ADPRS: variants seen among roughly 807,000 people sequenced by gnomAD.
The protein encoded by ADPRS is ADP-ribosylhydrolase ARH3.
In ADPRS, 25 loss-of-function variants were observed where a neutral mutation model predicts 32.1. The ratio of observed to expected loss-of-function variants is 0.78; its 90% CI spans 0.57 to 1.09. The LOEUF is 1.09. ADPRS is among the 50% of genes least tolerant of loss of function. The pLI is 0.00. For synonymous variants in ADPRS, 225 were observed against 201.0 expected (o/e 1.12, Z -1.01); for missense variants, 482 against 480.6 (o/e 1.00, Z -0.03).
intron 1 of ADPRS, among the ~76,000 whole-genome samples, 184 bp from the exon 2 acceptor site, chr1:36,091,060 T>G (rs1177864153): frequency 1.3e-5 from 2 of 152,102 alleles, no homozygotes; most frequent in East Asian, 1.9e-4. Flanking sequence ...TCCCAGCTAC[T>G]TGAGAGGCTG....
At chr1:36,090,679 CAAAAAAAAAAAA>C (rs10625386) in intron 1 of ADPRS, among the ~76,000 whole-genome samples, 78 of 65,356 alleles carry the variant, frequency 1.2e-3, no homozygotes, top group South Asian at 4.1e-3. Flanking sequence ...TCCATCTCTA[CAAAAAAAAAAAA>C]AAAAAAAAAA....
At chr1:36,091,370 A>G (rs759774623) in intron 2 of ADPRS, 30 bp downstream of exon 2, 7 of 1,600,846 alleles carry the variant, frequency 4.4e-6, no homozygotes, top group Non-Finnish European at 6.0e-6. Context: ...GCTGAGGCAA[A>G]CCAGGTGGGA....
chr1:36,092,146 G>A (rs568872693), intron 4 of ADPRS, 52 bp downstream of exon 4: 1 of 1,541,850 alleles, frequency 6.5e-7, no homozygotes, highest in East Asian at 2.3e-5. Flanking sequence ...GATCCAGGGG[G>A]CCTCTGGCAT....
rs1456416682 is a variant in ADPRS at position 36,093,459 on chromosome 1, T to G, written c.*73T>G. The G allele has an allele frequency of 3.3e-6, 5 of 1,532,548 alleles. No individual in the cohort carries two copies. The highest frequency in any genetic ancestry group is 4.4e-6 in the Non-Finnish European group (5 of 1,136,416). The allele number at this position is 1,532,548 out of a possible 1,614,324, so 94.9% of individuals were successfully genotyped here. A position where few individuals can be genotyped will look rare whatever the true frequency, so the allele number is the denominator to read the frequency against. ...ACAGCTCCAATCAGAAACCCTGCGC[T>G]TCCTTGAGTGTGGCTTCCCACTTTT... is the stretch of plus-strand genomic sequence containing the variant. On this transcript the variant is annotated 3_prime_UTR_variant, in exon 6 of 6. Transcript: ENST00000373178.
Position 36,088,935 on chromosome 1 carries a change from G to C in ADPRS, c.31G>C (p.Gly11Arg), listed in dbSNP as rs770204381. 2 of 1,525,164 alleles carry C rather than the reference G, an allele frequency of 1.3e-6. No homozygotes were observed. The highest frequency in any genetic ancestry group is 1.4e-5 in the African/African-American group (1 of 70,338). 94.5% of individuals were successfully genotyped at this position (1,525,164 alleles called of 1,614,324 possible). A position where few individuals can be genotyped will look rare whatever the true frequency, so the allele number is the denominator to read the frequency against. The change falls in exon 1 of 6, where the codon GGT becomes CGT. Residue 11 changes from glycine (G) to arginine (R), a missense_variant. Transcript: ENST00000373178. ...CGCAGCGGCGATGGCGGCAGCGGCA[G>C]GTGGAGGGGCTGGCGCGGCCCGCTC... Reference protein sequence around the residue: MAAAAMAAAAGGGAGAARSLS... With the variant: MAAAAMAAAARGGAGAARSLS...
At position 36,093,139 on chromosome 1, in the gene ADPRS, A is replaced by G. The variant is rs1324463512; in HGVS notation, c.845A>G (p.Tyr282Cys). ...AAFESVPTAI[Y>C]CFLRCMEPDP... is the part of the protein sequence containing the mutation. ...TTTGAGTCGGTACCCACCGCCATCT[A>G]CTGCTTCCTACGCTGCATGGAGCCA... The change falls in exon 6 of 6, where the codon TAC becomes TGC. Residue 282 changes from tyrosine (Y) to cysteine (C), a missense_variant. Transcript: ENST00000373178. The G allele has an allele frequency of 1.9e-6, 3 of 1,614,042 alleles. No individual in the cohort carries two copies. Among genetic ancestry groups the G allele is most frequent in the South Asian group, 2.2e-5 (2 of 91,092 alleles).
At chr1:36,090,804 C>T (rs575828881) in intron 1 of ADPRS, among the ~76,000 whole-genome samples, 3 of 150,714 alleles carry the variant, frequency 2.0e-5, no homozygotes, top group African/African-American at 4.9e-5. Context: ...GAGCCATGGT[C>T]GTACCACTGC....
chr1:36,088,902 C>CGGATGGCCGCAGCGG lies in ADPRS; in HGVS notation c.-2_13dup. Reference sequence around the variant, plus strand: ...CCGGAAGTGGCGAGCAGTCTGCGCGCGGATGGCCGCAGCGGCGATGGCGGC... The same window carrying CGGATGGCCGCAGCGG: ...CCGGAAGTGGCGAGCAGTCTGCGCGCGGATGGCCGCAGCGGGGATGGCCGCAGCGGCGATGGCGGC... On this transcript the variant is annotated 5_prime_UTR_variant, in exon 1 of 6. The change creates a new upstream start codon in the 5' untranslated region. Coordinates refer to ENST00000373178, the MANE Select transcript of ADPRS (RefSeq NM_017825.3). 3 of 1,525,686 alleles carry CGGATGGCCGCAGCGG rather than the reference C, an allele frequency of 2.0e-6. No homozygotes were observed. The highest frequency in any genetic ancestry group is 2.6e-6 in the Non-Finnish European group (3 of 1,142,192). 94.5% of individuals were successfully genotyped at this position (1,525,686 alleles called of 1,614,324 possible).
rs1313768812 is a variant in ADPRS, at chr1:36,093,293, T to G, written c.999T>G (p.Asp333Glu). 6.2e-7 allele frequency: 1 copy of G among 1,614,052 alleles called. No homozygotes were observed. The highest frequency in any genetic ancestry group is 8.5e-7 in the Non-Finnish European group (1 of 1,180,050). ...GAIAGAYYGM[D>E]QVPESWQQSC... ...TTGCTGGTGCCTACTATGGGATGGA[T>G]CAGGTGCCAGAGAGCTGGCAGCAAA... Residue 333 changes from aspartate (D) to glutamate (E), a missense_variant, in exon 6 of 6, where the codon GAT (aspartate) becomes GAG (glutamate). Asp to Glu is a conservative substitution (Grantham distance 45, BLOSUM62 2). Coordinates refer to ENST00000373178, the MANE Select transcript of ADPRS (RefSeq NM_017825.3).
In ADPRS at chr1:36,091,279, A is replaced by G; in HGVS notation, c.247A>G (p.Arg83Gly). The G allele has an allele frequency of 6.2e-7, 1 of 1,614,222 alleles. No individual in the cohort carries two copies. The highest frequency in any genetic ancestry group is 8.5e-7 in the Non-Finnish European group (1 of 1,180,030). Residue 83 changes from arginine (R) to glycine (G), a missense_variant, in exon 2 of 6, where the codon AGG becomes GGG. Arg to Gly is a moderately radical substitution (Grantham distance 125). Transcript: ENST00000373178. ...LYYTDDTAMA[R>G]ALVQSLLAKE... Reference sequence around the variant, plus strand: ...CTACACAGATGACACAGCCATGGCCAGGGCCCTGGTGCAGTCCCTGCTAGC... The same window carrying G: ...CTACACAGATGACACAGCCATGGCCGGGGCCCTGGTGCAGTCCCTGCTAGC...
At chr1:36,092,289 C>T (rs1014726681) in intron 4 of ADPRS, 133 bp from the exon 5 acceptor site, 5 of 1,151,012 alleles carry the variant, frequency 4.3e-6, no homozygotes, top group Non-Finnish European at 4.9e-6. Context: ...AGCCCTCTCC[C>T]ACCTCTTGTC....
rs774652693 is a variant in ADPRS at position 36,092,065 on chromosome 1, T to C, written c.672T>C (p.Gly224=). 13 of 1,612,190 alleles carry C rather than the reference T, an allele frequency of 8.1e-6. No homozygotes were observed. The African/African-American group carries it at 1.7e-4, about 22-fold the overall frequency. ...TGGGCCACATGGAGGATCTGGAGGG[T>C]GATGCCCAGTCCGTCTTGGATGCCA... is the stretch of plus-strand genomic sequence containing the variant. ...QLLGHMEDLE[G]DAQSVLDARE... Residue 224 remains glycine, a synonymous_variant, in exon 4 of 6, where the codon GGT becomes GGC. Transcript: ENST00000373178.
intron 2 of ADPRS, 70 bp from the exon 3 acceptor site, chr1:36,091,548 C>G (rs184416537): frequency 3.5e-6 from 5 of 1,443,258 alleles, no homozygotes; most frequent in Non-Finnish European, 4.7e-6. Context: ...AAACTAGCCT[C>G]GATTTCTTCT....
chr1:36,088,964 C>G lies in ADPRS; in HGVS notation c.60C>G (p.Leu20=), dbSNP rs1327269094. 6.7e-6 allele frequency: 10 copies of G among 1,500,676 alleles called. No individual in the cohort carries two copies. The highest frequency in any genetic ancestry group is 8.0e-6 in the Non-Finnish European group (9 of 1,130,698). The allele number at this position is 1,500,676 out of a possible 1,614,324, so 93.0% of individuals were successfully genotyped here. ...AGGGAGAARS[L]SRFRGCLAGA... is the part of the protein sequence containing the mutation. The stretch of plus-strand genomic sequence containing the variant: ...GAGGGGCTGGCGCGGCCCGCTCCCT[C>G]TCGCGCTTCCGAGGCTGCCTGGCTG... The change falls in exon 1 of 6, where the codon CTC becomes CTG. Residue 20 remains leucine, a synonymous_variant. Coordinates refer to ENST00000373178, the MANE Select transcript of ADPRS (RefSeq NM_017825.3).
intron 2 of ADPRS, 116 bp from the exon 3 acceptor site, chr1:36,091,502 C>A: frequency 8.2e-7 from 1 of 1,221,552 alleles, no homozygotes; most frequent in Non-Finnish European, 1.2e-6. Context: ...ACTGCTGGTG[C>A]AGGCTCCTTA....
At chr1:36,089,181 G>A in intron 1 of ADPRS, 66 bp downstream of exon 1, 3 of 1,366,910 alleles carry the variant, frequency 2.2e-6, no homozygotes, top group Non-Finnish European at 1.9e-6. Context: ...CGGAGCCTCC[G>A]GGGGCGACGG....
rs150395881 is a variant in ADPRS at position 36,091,706 on chromosome 1, C to G, written c.397C>G (p.Arg133Gly). 1 of 1,613,940 alleles carries G rather than the reference C, an allele frequency of 6.2e-7. No homozygotes were observed. Among genetic ancestry groups the G allele is most frequent in the Non-Finnish European group, 8.5e-7 (1 of 1,179,974 alleles). ...VFKKLLNPKC[R>G]DVFEPARAQF... ...CAAGAAGCTCCTGAACCCCAAATGTCGCGATGTCTTTGAGCCTGCCCGGGC... is the reference window on the plus strand; with the variant it reads ...CAAGAAGCTCCTGAACCCCAAATGTGGCGATGTCTTTGAGCCTGCCCGGGC... The change falls in exon 3 of 6, where the codon CGC (arginine) becomes GGC (glycine). Residue 133 changes from arginine to glycine, a missense_variant. Physicochemically the swap from Arg to Gly is moderately radical, Grantham distance 125. Transcript: ENST00000373178.
In ADPRS at chr1:36,089,066, TGTCC is replaced by T. The variant is rs1210433105; in HGVS notation, c.163_166del (p.Val55ArgfsTer35). The T allele has an allele frequency of 6.9e-7, 1 of 1,458,984 alleles. No homozygotes were observed. Among genetic ancestry groups the T allele is most frequent in the Non-Finnish European group, 9.0e-7 (1 of 1,109,318 alleles). 90.4% of individuals were successfully genotyped at this position (1,458,984 alleles called of 1,614,324 possible). A position where few individuals can be genotyped will look rare whatever the true frequency, so the allele number is the denominator to read the frequency against. On this transcript the variant is annotated frameshift_variant, in exon 1 of 6. Coordinates refer to ENST00000373178, the MANE Select transcript of ADPRS (RefSeq NM_017825.3). LOFTEE classifies it high-confidence loss of function. ...TCGACCTGACGTCAGTCCTGCGTCA[TGTCC>T]AGAGTCTGGAGCCGGACCCCGGCAC...
At chr1:36,089,761 C>T (rs988283230) in intron 1 of ADPRS, among the ~76,000 whole-genome samples, 1 of 152,202 alleles carries the variant, frequency 6.6e-6, no homozygotes, top group African/African-American at 2.4e-5. Flanking sequence ...GTTTCGTTTT[C>T]CGCCAGCCTT....
Sources: allele counts gnomAD v4.1 joint callset (sites outside exome capture counted in the v4.1 genomes callset), GRCh38; gene constraint gnomAD v4.1.1; transcripts MANE v1.5; gene names NCBI Gene and HGNC (gene_info 2026-07-23, HGNC 2026-07-21).